The following CAMK2D variants were observed in gnomAD, a reference collection of about 807,000 sequenced individuals.
CAMK2D encodes the protein calcium/calmodulin dependent protein kinase II delta.
A neutral mutation model predicts 84.0 loss-of-function variants in CAMK2D; 37 were observed. That is an observed-to-expected ratio of 0.44 (90% CI 0.34 to 0.58). The LOEUF (loss-of-function observed/expected upper bound fraction) is 0.58, where lower values mean the gene tolerates loss of function less well. CAMK2D is among the 20% of genes least tolerant of loss of function. CAMK2D has a pLI of 0.02. For missense variants in CAMK2D, 448 were observed against 652.5 expected (o/e 0.69, Z 3.41); for synonymous variants, 202 against 212.5 (o/e 0.95, Z 0.43).
intron 2 of CAMK2D, among the ~76,000 whole-genome samples, chr4:113,723,114 TGA>T (rs1033323609): frequency 1.1e-4 from 16 of 151,682 alleles, no homozygotes; most frequent in Middle Eastern, 3.4e-3. Context: ...TAAAATTTTT[TGA>T]GTTTCAAAAA....
intron 2 of CAMK2D, among the ~76,000 whole-genome samples, chr4:113,694,944 T>C (rs1054823739): frequency 6.6e-6 from 1 of 152,218 alleles, no homozygotes; most frequent in Non-Finnish European, 1.5e-5. Context: ...GATTGATTCA[T>C]GAATTATTAG....
chr4:113,556,902 A>T (rs1448106507), intron 4 of CAMK2D, among the ~76,000 whole-genome samples: 1 of 152,168 alleles, frequency 6.6e-6, no homozygotes, highest in Non-Finnish European at 1.5e-5. Flanking sequence ...TCACAGGAAG[A>T]GCTTAATAAA....
At chr4:113,526,424 G>C (rs1005972031) in intron 8 of CAMK2D, among the ~76,000 whole-genome samples, 1 of 151,866 alleles carries the variant, frequency 6.6e-6, no homozygotes, top group Admixed American at 6.6e-5. Context: ...ATGTGTGTGT[G>C]TGTGTGTGTG....
intron 19 of CAMK2D, 50 bp downstream of exon 19, chr4:113,457,285 G>C: frequency 6.2e-7 from 1 of 1,604,812 alleles, no homozygotes; most frequent in African/African-American, 1.3e-5. Context: ...AGTAGAAGGA[G>C]CTGACCATGG....
chr4:113,713,963 GT>G (rs1226719908), intron 2 of CAMK2D, among the ~76,000 whole-genome samples: 2 of 151,532 alleles, frequency 1.3e-5, no homozygotes, highest in African/African-American at 2.4e-5. Context: ...GATGGCATCT[GT>G]TTTTTGTGAG....
In CAMK2D at chr4:113,680,224, C is replaced by T. The variant is rs115940430; in HGVS notation, c.161-18452G>A. ...GGGCGTAAGATATTTACATAGAAGA[C>T]CTGTAAGATTTTATCAGATCTGGAA... On this transcript the variant is annotated intron_variant, in intron 2 of 20. Coordinates refer to ENST00000511664, the MANE Select transcript of CAMK2D (RefSeq NM_001321571.2). 6.5e-3 allele frequency among the ~76,000 whole-genome samples: 985 copies of T among 152,140 alleles called. 6 individuals carry two copies. The highest frequency in any genetic ancestry group is 0.011 in the Non-Finnish European group (740 of 68,000).
intron 7 of CAMK2D, among the ~76,000 whole-genome samples, chr4:113,533,123 T>C (rs1428617387): frequency 6.6e-6 from 1 of 152,108 alleles, no homozygotes; most frequent in Non-Finnish European, 1.5e-5. Context: ...AGTAAGTTAC[T>C]ATGTGAGGAA....
intron 6 of CAMK2D, among the ~76,000 whole-genome samples, chr4:113,542,169 C>T (rs1226685750): frequency 6.6e-6 from 1 of 152,148 alleles, no homozygotes; most frequent in Non-Finnish European, 1.5e-5. Context: ...TGGGAGAGTG[C>T]CAATTACCCA....
At chr4:113,746,934 A>G (rs188632629) in intron 2 of CAMK2D, among the ~76,000 whole-genome samples, 144 of 146,768 alleles carry the variant, frequency 9.8e-4, no homozygotes, top group Middle Eastern at 7.0e-3. Flanking sequence ...TCTACTCCCA[A>G]AGTTCCTACA....
intron 2 of CAMK2D, chr4:113,753,918 C>T: frequency 1.0e-6 from 1 of 983,966 alleles, no homozygotes; most frequent in Non-Finnish European, 1.2e-6. Flanking sequence ...CCTTTAAGAG[C>T]CCATAGTACT....
intron 4 of CAMK2D, among the ~76,000 whole-genome samples, chr4:113,572,097 C>T (rs910632500): frequency 1.3e-5 from 2 of 151,862 alleles, no homozygotes; most frequent in Non-Finnish European, 2.9e-5. Context: ...AAGTGTTTCA[C>T]TATTTGTTAT....
At chr4:113,486,594 C>A (rs2154133700) in intron 16 of CAMK2D, among the ~76,000 whole-genome samples, 1 of 152,248 alleles carries the variant, frequency 6.6e-6, no homozygotes, top group South Asian at 2.1e-4. Context: ...GCCAAAAATA[C>A]CTCCAAGTAC....
chr4:113,613,769 C>T (rs2154269970), intron 3 of CAMK2D, among the ~76,000 whole-genome samples: 1 of 152,186 alleles, frequency 6.6e-6, no homozygotes, highest in South Asian at 2.1e-4. Context: ...AATCTGAAAG[C>T]TTACCCAACA....
At chr4:113,691,398 T>A (rs1561860683) in intron 2 of CAMK2D, among the ~76,000 whole-genome samples, 1 of 152,228 alleles carries the variant, frequency 6.6e-6, no homozygotes, top group East Asian at 1.9e-4. Context: ...AAGGTAATGC[T>A]ATCTGGCTGA....
intron 3 of CAMK2D, among the ~76,000 whole-genome samples, chr4:113,627,224 G>A (rs1157573736): frequency 2.0e-5 from 3 of 152,002 alleles, no homozygotes; most frequent in African/African-American, 7.2e-5. Context: ...ATATAGAAAC[G>A]TGTTCCTCTA....
At chr4:113,485,361 A>G (rs891743474) in intron 16 of CAMK2D, among the ~76,000 whole-genome samples, 1 of 152,228 alleles carries the variant, frequency 6.6e-6, no homozygotes, top group Non-Finnish European at 1.5e-5. Flanking sequence ...GGCACTCAAT[A>G]GTCCCTCACT....
intron 16 of CAMK2D, among the ~76,000 whole-genome samples, chr4:113,491,539 T>G (rs1296410879): frequency 6.6e-5 from 10 of 151,946 alleles, no homozygotes; most frequent in African/African-American, 1.9e-4. Flanking sequence ...GCTGGATTCG[T>G]TTTGCCAGTA....
At chr4:113,467,890 T>G (rs1421816546) in intron 16 of CAMK2D, among the ~76,000 whole-genome samples, 2 of 152,058 alleles carry the variant, frequency 1.3e-5, no homozygotes, top group Admixed American at 6.6e-5. Context: ...AAAATGAGAT[T>G]ATAAAAATGT....
chr4:113,703,200 C>T (rs2099428376), intron 2 of CAMK2D, among the ~76,000 whole-genome samples: 1 of 152,158 alleles, frequency 6.6e-6, no homozygotes, highest in South Asian at 2.1e-4. Context: ...TTTTCACCCT[C>T]AAGTAGTCGA....
Sources: gnomAD v4.1 joint callset for allele counts (sites outside exome capture counted in the v4.1 genomes callset) on GRCh38, gnomAD v4.1.1 for gene constraint, MANE v1.5 for transcripts, NCBI Gene and HGNC (gene_info 2026-07-23, HGNC 2026-07-21) for gene names.